Variants in MPZL1 observed in about 807,000 individuals in gnomAD.
The protein encoded by MPZL1 is myelin protein zero-like protein 1.
MPZL1 carries 16 observed loss-of-function variants against 29.3 expected under a neutral mutation model. That is an observed-to-expected ratio of 0.55 (90% CI 0.37 to 0.83). MPZL1 has a LOEUF of 0.83. Among genes scored for constraint, MPZL1 ranks in the 40% least tolerant of loss-of-function variants. The pLI is 0.00. For synonymous variants in MPZL1, 143 were observed against 132.0 expected, an observed-to-expected ratio of 1.08 and a Z score of -0.57; for missense variants, 279 against 332.9, an observed-to-expected ratio of 0.84 and a Z score of 1.26.
intron 1 of MPZL1, among the ~76,000 whole-genome samples, chr1:167,757,139 A>AGG (rs756991827): frequency 6.6e-6 from 1 of 152,134 alleles, no homozygotes; most frequent in Non-Finnish European, 1.5e-5. Context: ...GATTCGCGGG[A>AGG]GGAAAGAGCC....
At chr1:167,722,511 C>G (rs768985479) in intron 1 of MPZL1, among the ~76,000 whole-genome samples, 19 of 151,982 alleles carry the variant, frequency 1.3e-4, no homozygotes, top group African/African-American at 4.6e-4. Context: ...TGCTCCTTCC[C>G]GGGGGGCGGT....
intron 5 of MPZL1, among the ~76,000 whole-genome samples, chr1:167,783,370 G>T (rs1291901108): frequency 6.6e-6 from 1 of 152,184 alleles, no homozygotes; most frequent in East Asian, 1.9e-4. Flanking sequence ...AGTTTTGAAT[G>T]AGATTGGTAT....
At chr1:167,768,515 G>C (rs1378331438) in intron 2 of MPZL1, among the ~76,000 whole-genome samples, 3 of 152,042 alleles carry the variant, frequency 2.0e-5, no homozygotes, top group Non-Finnish European at 2.9e-5. Context: ...AAGAGGACTT[G>C]CCTGTCTTAC....
intron 1 of MPZL1, among the ~76,000 whole-genome samples, chr1:167,739,641 C>T (rs1163436467): frequency 6.6e-6 from 1 of 152,082 alleles, no homozygotes; most frequent in African/African-American, 2.4e-5. Context: ...CCCAGAGAAG[C>T]CCCAGGGAGC....
At chr1:167,764,593 TAGGATA>T (rs1386712958) in intron 1 of MPZL1, among the ~76,000 whole-genome samples, 2 of 152,232 alleles carry the variant, frequency 1.3e-5, no homozygotes, top group Non-Finnish European at 2.9e-5. Context: ...AGTTATATCT[TAGGATA>T]GTTTTAATTG....
chr1:167,741,641 C>G (rs1195737475), intron 1 of MPZL1, among the ~76,000 whole-genome samples: 2 of 152,008 alleles, frequency 1.3e-5, no homozygotes, highest in Non-Finnish European at 2.9e-5. Flanking sequence ...CACTTCTTAA[C>G]TGCTTTCCCA....
chr1:167,741,086 G>A (rs746389970), intron 1 of MPZL1, among the ~76,000 whole-genome samples: 22 of 152,190 alleles, frequency 1.4e-4, no homozygotes, highest in Admixed American at 7.9e-4. Context: ...GTGTAATCAC[G>A]GCTTACTGCA....
At chr1:167,758,304 A>C (rs1444396487) in intron 1 of MPZL1, among the ~76,000 whole-genome samples, 1 of 152,198 alleles carries the variant, frequency 6.6e-6, no homozygotes, top group Admixed American at 6.5e-5. Flanking sequence ...GTTCCTAATA[A>C]TACTGCCACA....
At chr1:167,761,480 C>T (rs762538649) in intron 1 of MPZL1, among the ~76,000 whole-genome samples, 2 of 151,994 alleles carry the variant, frequency 1.3e-5, no homozygotes, top group African/African-American at 4.8e-5. Context: ...GGCACAGATG[C>T]AGGGAGGTGG....
intron 1 of MPZL1, among the ~76,000 whole-genome samples, chr1:167,738,490 G>A (rs916683915): frequency 3.9e-5 from 6 of 152,052 alleles, no homozygotes; most frequent in African/African-American, 1.4e-4. Flanking sequence ...TTTATAGCTG[G>A]AAATATATTG....
intron 1 of MPZL1, among the ~76,000 whole-genome samples, chr1:167,743,834 C>T (rs575339848): frequency 6.6e-6 from 1 of 152,114 alleles, no homozygotes; most frequent in East Asian, 1.9e-4. Context: ...TCTAGGTAAA[C>T]AGTCTTATCA....
Position 167,728,366 on chromosome 1 carries a change from T to C in MPZL1, c.91+6124T>C, listed in dbSNP as rs1404716157. On this transcript the variant is annotated intron_variant, in intron 1 of 5. Transcript: ENST00000359523. ...CTTTTTTTTCTTTCTTTCTTTCTTT[T>C]TTTTTTTTTTTTTGTATTTTTAGTA... Among the ~76,000 whole-genome samples the C allele has an allele frequency of 6.2e-4, 91 of 146,636 alleles. 2 individuals carry two copies. The highest frequency in any genetic ancestry group is 5.3e-3 in the Admixed American group (79 of 14,796).
chr1:167,776,261 G>A lies in MPZL1; in HGVS notation c.708+95G>A, dbSNP rs527254296. 208 of 721,382 alleles carry A rather than the reference G, an allele frequency of 2.9e-4. 1 individual carries two copies. The South Asian group carries it at 3.8e-3, about 13-fold the overall frequency. 44.7% of individuals were successfully genotyped at this position (721,382 alleles called of 1,614,324 possible). A position where few individuals can be genotyped will look rare whatever the true frequency, so the allele number is the denominator to read the frequency against. On this transcript the variant is annotated intron_variant, in intron 5 of 5. Transcript: ENST00000359523. ...TGTGGAAAAGAATACTGAGCTATGA[G>A]AGACAGAGACAGAGACAGACAGACA...
intron 1 of MPZL1, among the ~76,000 whole-genome samples, chr1:167,743,121 T>C (rs1457018862): frequency 2.0e-5 from 3 of 152,020 alleles, no homozygotes; most frequent in Non-Finnish European, 1.5e-5. Context: ...AATTTTAGGA[T>C]TGTTTTTTCT....
chr1:167,749,797 C>T (rs1660719134), intron 1 of MPZL1, among the ~76,000 whole-genome samples: 1 of 152,156 alleles, frequency 6.6e-6, no homozygotes, highest in Non-Finnish European at 1.5e-5. Flanking sequence ...AGTTTTCAAG[C>T]CTATAGTAGA....
Position 167,722,116 on chromosome 1 carries a change from C to G in MPZL1, c.-36C>G. 8.1e-7 allele frequency: 1 copy of G among 1,233,368 alleles called. No homozygotes were observed. The highest frequency in any genetic ancestry group is 1.0e-6 in the Non-Finnish European group (1 of 988,246). The allele number at this position is 1,233,368 out of a possible 1,614,324, so 76.4% of individuals were successfully genotyped here. ...CTCAGCGGGGACCCGGGCTCAGGGA[C>G]GCGGCGGCGGCGGCGGCGACTGCAG... On this transcript the variant is annotated 5_prime_UTR_variant, in exon 1 of 6. Transcript: ENST00000359523.
At chr1:167,781,433 T>C (rs1661495074) in intron 5 of MPZL1, among the ~76,000 whole-genome samples, 1 of 151,888 alleles carries the variant, frequency 6.6e-6, no homozygotes, top group Non-Finnish European at 1.5e-5. Flanking sequence ...TAAACAGAAA[T>C]CAACAGAAAG....
intron 1 of MPZL1, among the ~76,000 whole-genome samples, chr1:167,725,346 A>T (rs1026860961): frequency 6.6e-6 from 1 of 152,080 alleles, no homozygotes; most frequent in African/African-American, 2.4e-5. Context: ...CAGTGGCACA[A>T]TCTCGGCTTA....
At chr1:167,732,587 G>A (rs1015634943) in intron 1 of MPZL1, among the ~76,000 whole-genome samples, 7 of 152,112 alleles carry the variant, frequency 4.6e-5, no homozygotes, top group African/African-American at 9.7e-5. Flanking sequence ...AAGTACCTGG[G>A]ACTACAGGTG....
Sources: allele counts gnomAD v4.1 joint callset (sites outside exome capture counted in the v4.1 genomes callset), GRCh38; gene constraint gnomAD v4.1.1; transcripts MANE v1.5; gene names NCBI Gene and HGNC (gene_info 2026-07-23, HGNC 2026-07-21).